SPHKAP: variants seen among roughly 807,000 people sequenced by gnomAD.
SPHKAP encodes SPHK1 interactor, AKAP domain containing.
In SPHKAP, 67 loss-of-function variants were observed where a neutral mutation model predicts 137.5. The observed-to-expected ratio is 0.49, with a 90% CI of 0.40 to 0.60. SPHKAP has a LOEUF of 0.60. SPHKAP is among the 20% of genes least tolerant of loss of function. SPHKAP has a pLI of 0.00. For synonymous variants in SPHKAP, 813 were observed against 785.3 expected, an observed-to-expected ratio of 1.04 and a Z score of -0.59; for missense variants, 2,097 against 2,069.3, an observed-to-expected ratio of 1.01 and a Z score of -0.26.
rs376372743 is a variant in SPHKAP, at chr2:228,019,276, C to T, written c.1578G>A (p.Ser526=). 58 of 1,613,826 alleles carry T rather than the reference C, an allele frequency of 3.6e-5. No homozygotes were observed. Among genetic ancestry groups the T allele is most frequent in the African/African-American group, 9.3e-5 (7 of 74,920 alleles). Residue 526 remains serine, a synonymous_variant, in exon 7 of 12, where the codon TCG becomes TCA. Coordinates refer to ENST00000392056, the MANE Select transcript of SPHKAP (RefSeq NM_001142644.2). ...TERLKMEQVV[S]NFPPGSSGAL... ...CACCACTGCTCCCTGGGGGAAAGTT[C>T]GAGACCACTTGCTCCATTTTGAGTC...
At chr2:228,005,134 G>C (rs1694077907) in intron 7 of SPHKAP, among the ~76,000 whole-genome samples, 1 of 152,158 alleles carries the variant, frequency 6.6e-6, no homozygotes, top group Admixed American at 6.5e-5. Flanking sequence ...TCGTTGATCT[G>C]TCTAATGTTG....
At chr2:228,007,416 G>A (rs970482060) in intron 7 of SPHKAP, among the ~76,000 whole-genome samples, 7 of 152,160 alleles carry the variant, frequency 4.6e-5, no homozygotes, top group Middle Eastern at 6.8e-3. Context: ...ACCAGAACAT[G>A]TTCTGTCTAA....
chr2:228,102,542 T>C (rs1698211409), intron 3 of SPHKAP, among the ~76,000 whole-genome samples: 1 of 152,208 alleles, frequency 6.6e-6, no homozygotes, highest in African/African-American at 2.4e-5. Flanking sequence ...TCGGAGTCCA[T>C]TTTAAATAAA....
Position 228,016,394 on chromosome 2 carries a change from C to T in SPHKAP, c.4448+12G>A, listed in dbSNP as rs751199571. On this transcript the variant is annotated intron_variant, in intron 7 of 11. Transcript: ENST00000392056. ...CACATGCACCCTATGTAGTCTGAGA[C>T]GATTCACTCACCTATGGATTTGACA... 1.9e-5 allele frequency: 30 copies of T among 1,564,882 alleles called. No homozygotes were observed. The highest frequency in any genetic ancestry group is 3.7e-5 in the South Asian group (3 of 81,322).
chr2:228,068,750 T>C (rs1399481713), intron 3 of SPHKAP, among the ~76,000 whole-genome samples: 7 of 152,218 alleles, frequency 4.6e-5, no homozygotes, highest in Non-Finnish European at 1.5e-5. Flanking sequence ...TTTTATTTTC[T>C]AAAGTTAGAG....
At chr2:228,074,880 C>G (rs531828740) in intron 3 of SPHKAP, among the ~76,000 whole-genome samples, 1 of 152,022 alleles carries the variant, frequency 6.6e-6, no homozygotes, top group East Asian at 1.9e-4. Context: ...TTCTTTCTCA[C>G]TCTCTCATTA....
chr2:228,176,248 C>G (rs1023254430), intron 1 of SPHKAP, among the ~76,000 whole-genome samples: 3 of 152,218 alleles, frequency 2.0e-5, no homozygotes, highest in East Asian at 3.9e-4. Flanking sequence ...AACAATAAAG[C>G]CCAATTCTCG....
intron 3 of SPHKAP, among the ~76,000 whole-genome samples, chr2:228,045,669 A>T (rs1696018014): frequency 6.6e-6 from 1 of 152,064 alleles, no homozygotes; most frequent in African/African-American, 2.4e-5. Context: ...TAATGGGTGC[A>T]GCACACCAGC....
chr2:228,048,407 A>G (rs1305884398), intron 3 of SPHKAP, among the ~76,000 whole-genome samples: 3 of 151,960 alleles, frequency 2.0e-5, no homozygotes, highest in African/African-American at 4.8e-5. Context: ...TTAATCTTTC[A>G]ACTCCACCTC....
chr2:227,981,895 A>C (rs1402749126), intron 11 of SPHKAP, 35 bp from the exon 12 acceptor site: 1 of 1,592,364 alleles, frequency 6.3e-7, no homozygotes, highest in Non-Finnish European at 8.5e-7. Flanking sequence ...CTCACAGAGC[A>C]CAGAGGGTCC....
At chr2:228,074,654 T>C (rs994367085) in intron 3 of SPHKAP, among the ~76,000 whole-genome samples, 4 of 152,160 alleles carry the variant, frequency 2.6e-5, no homozygotes, top group Non-Finnish European at 4.4e-5. Flanking sequence ...AGCCAAACCA[T>C]ATCAGCCCAC....
chr2:228,033,307 T>G (rs945196910), intron 3 of SPHKAP, among the ~76,000 whole-genome samples: 3 of 152,092 alleles, frequency 2.0e-5, no homozygotes, highest in African/African-American at 7.2e-5. Context: ...GGTAAAGGGA[T>G]CAATTCAACA....
chr2:228,132,089 T>C lies in SPHKAP; in HGVS notation c.33-4A>G, dbSNP rs1348061895. Reference sequence around the variant, plus strand: ...CATCCGTGATGACTCCAAGTTGCTGTTTGTGACCCAAAACACAAAAACACA... The same window carrying C: ...CATCCGTGATGACTCCAAGTTGCTGCTTGTGACCCAAAACACAAAAACACA... On this transcript the variant is annotated splice_polypyrimidine_tract_variant and splice_region_variant and intron_variant, in intron 1 of 11. Coordinates refer to ENST00000392056, the MANE Select transcript of SPHKAP (RefSeq NM_001142644.2). The C allele has an allele frequency of 6.2e-7, 1 of 1,612,994 alleles. No homozygotes were observed. The highest frequency in any genetic ancestry group is 1.3e-5 in the African/African-American group (1 of 74,908).
At chr2:228,129,104 G>C (rs193026043) in intron 2 of SPHKAP, among the ~76,000 whole-genome samples, 29 of 152,288 alleles carry the variant, frequency 1.9e-4, no homozygotes, top group Non-Finnish European at 3.7e-4. Context: ...TTATTTGGGT[G>C]CAGTTCATGG....
intron 3 of SPHKAP, among the ~76,000 whole-genome samples, chr2:228,086,191 T>A (rs1361898432): frequency 6.6e-6 from 1 of 152,134 alleles, no homozygotes; most frequent in Non-Finnish European, 1.5e-5. Context: ...TGAAAACAAG[T>A]ATTATAATTA....
intron 3 of SPHKAP, among the ~76,000 whole-genome samples, chr2:228,096,432 A>C (rs1574845875): frequency 6.6e-6 from 1 of 151,744 alleles, no homozygotes; most frequent in South Asian, 2.1e-4. Context: ...CAAAACCACC[A>C]CCCCGACAAG....
chr2:228,016,773 T>C lies in SPHKAP; in HGVS notation c.4081A>G (p.Thr1361Ala), dbSNP rs201713172. Reference sequence around the variant, plus strand: ...TCGAGAGACTCCTGAACAAGCAGAGTTGGCCCACTGCACATCCTGCTCGCA... The same window carrying C: ...TCGAGAGACTCCTGAACAAGCAGAGCTGGCCCACTGCACATCCTGCTCGCA... Reference protein sequence around the residue: ...LAASRMCSGPTLLVQESLDCP... With the variant: ...LAASRMCSGPALLVQESLDCP... Residue 1361 changes from threonine (T) to alanine (A), a missense_variant, in exon 7 of 12, where the codon ACT (threonine) becomes GCT (alanine). Coordinates refer to ENST00000392056, the MANE Select transcript of SPHKAP (RefSeq NM_001142644.2). 23 of 1,613,956 alleles carry C rather than the reference T, an allele frequency of 1.4e-5. No homozygotes were observed. The highest frequency in any genetic ancestry group is 1.5e-5 in the Non-Finnish European group (18 of 1,179,984).
chr2:228,019,125 C>T lies in SPHKAP; in HGVS notation c.1729G>A (p.Glu577Lys). 6.2e-7 allele frequency: 1 copy of T among 1,613,968 alleles called. No homozygotes were observed. The highest frequency in any genetic ancestry group is 1.1e-5 in the South Asian group (1 of 91,078). ...AVAVCGLGER[E>K]EVTCSVAPSG... ...GGAGCCACTGAGCATGTCACCTCTT[C>T]TCTTTCACCCAGACCACAGACAGCC... The change falls in exon 7 of 12, where the codon GAA becomes AAA. Residue 577 changes from glutamate (E) to lysine (K), a missense_variant. Coordinates refer to ENST00000392056, the MANE Select transcript of SPHKAP (RefSeq NM_001142644.2).
At chr2:228,111,808 G>A (rs1393601812) in intron 2 of SPHKAP, among the ~76,000 whole-genome samples, 1 of 152,108 alleles carries the variant, frequency 6.6e-6, no homozygotes, top group Non-Finnish European at 1.5e-5. Flanking sequence ...GACTTTGGAT[G>A]TGAAATTACA....
Sources: allele counts gnomAD v4.1 joint callset (sites outside exome capture counted in the v4.1 genomes callset), GRCh38; gene constraint gnomAD v4.1.1; transcripts MANE v1.5; gene names NCBI Gene and HGNC (gene_info 2026-07-23, HGNC 2026-07-21).